The following CDH12 variants were observed in gnomAD, a reference collection of about 807,000 sequenced individuals.
CDH12 encodes the protein cadherin-12.
Under a neutral mutation model 74.1 loss-of-function variants are expected in CDH12, and 41 were observed. That is an observed-to-expected ratio of 0.55 (90% CI 0.43 to 0.72). The LOEUF (loss-of-function observed/expected upper bound fraction) is 0.72. Ranked by LOEUF, CDH12 falls within the 30% of genes least tolerant of loss-of-function variation. The pLI is 0.00. For synonymous variants in CDH12, 399 were observed against 355.0 expected (o/e 1.12, Z -1.39); for missense variants, 945 against 977.2 (o/e 0.97, Z 0.44).
At chr5:22,825,079 C>A (rs190304774) in intron 1 of CDH12, among the ~76,000 whole-genome samples, 1 of 151,956 alleles carries the variant, frequency 6.6e-6, no homozygotes, top group Non-Finnish European at 1.5e-5. Flanking sequence ...TCTACAATCA[C>A]GCATTCATTT....
At chr5:22,124,691 A>T (rs1745740441) in intron 4 of CDH12, among the ~76,000 whole-genome samples, 1 of 151,850 alleles carries the variant, frequency 6.6e-6, no homozygotes, top group Non-Finnish European at 1.5e-5. Flanking sequence ...TGGATCCCAT[A>T]CTCTATTAAT....
intron 1 of CDH12, among the ~76,000 whole-genome samples, chr5:22,783,460 C>A (rs1747480348): frequency 6.6e-6 from 1 of 152,000 alleles, no homozygotes; most frequent in Non-Finnish European, 1.5e-5. Context: ...AATCAGATAA[C>A]TTACTGAAAA....
intron 1 of CDH12, among the ~76,000 whole-genome samples, chr5:22,557,221 G>C (rs530819917): frequency 5.3e-5 from 8 of 152,002 alleles, no homozygotes; most frequent in African/African-American, 1.9e-4. Context: ...ATATTCTAAG[G>C]GAAAAGGGCT....
chr5:22,233,206 T>A (rs1422057195), intron 3 of CDH12, among the ~76,000 whole-genome samples: 1 of 151,910 alleles, frequency 6.6e-6, no homozygotes, highest in Admixed American at 6.6e-5. Flanking sequence ...ATAATCAGAA[T>A]TGCGTTGATC....
chr5:22,016,500 A>G (rs1293498498), intron 5 of CDH12, among the ~76,000 whole-genome samples: 1 of 151,898 alleles, frequency 6.6e-6, no homozygotes, highest in Non-Finnish European at 1.5e-5. Context: ...GGTTCAAGTG[A>G]TTCTCCTGCC....
At chr5:22,821,027 T>A (rs1749671691) in intron 1 of CDH12, among the ~76,000 whole-genome samples, 1 of 152,102 alleles carries the variant, frequency 6.6e-6, no homozygotes, top group Admixed American at 6.6e-5. Flanking sequence ...ATCAAAAAGC[T>A]TATCCACCAT....
chr5:22,076,155 T>C (rs142820928), intron 5 of CDH12, among the ~76,000 whole-genome samples: 2 of 152,140 alleles, frequency 1.3e-5, no homozygotes, highest in African/African-American at 4.8e-5. Flanking sequence ...TGGAGCCCTG[T>C]ACCAGCGGAA....
At chr5:22,078,116 G>A (rs1472885493) in intron 5 of CDH12, among the ~76,000 whole-genome samples, 1 of 152,002 alleles carries the variant, frequency 6.6e-6, no homozygotes, top group African/African-American at 2.4e-5. Context: ...TAACTATACT[G>A]ATACTATACT....
At chr5:22,114,545 G>A (rs1249816712) in intron 4 of CDH12, among the ~76,000 whole-genome samples, 5 of 152,222 alleles carry the variant, frequency 3.3e-5, no homozygotes, top group African/African-American at 1.2e-4. Context: ...ATTCTCAATT[G>A]TTTATTGAGA....
chr5:22,461,797 T>A (rs561011682), intron 2 of CDH12, among the ~76,000 whole-genome samples: 1 of 151,884 alleles, frequency 6.6e-6, no homozygotes, highest in East Asian at 1.9e-4. Context: ...TTTTCATGTT[T>A]TTTTTTCATT....
At chr5:22,342,934 C>T (rs533990806) in intron 3 of CDH12, among the ~76,000 whole-genome samples, 42 of 151,906 alleles carry the variant, frequency 2.8e-4, no homozygotes, top group African/African-American at 4.6e-4. Flanking sequence ...TTGCAACCTC[C>T]GCCTCTCAGG....
chr5:22,087,432 G>T lies in CDH12; in HGVS notation c.-186-8570C>A, dbSNP rs1185941428. 2.0e-5 allele frequency among the ~76,000 whole-genome samples: 3 copies of T among 152,212 alleles called. No homozygotes were observed. The East Asian group carries it at 5.8e-4, about 30-fold the overall frequency. On this transcript the variant is annotated intron_variant, in intron 4 of 14. Coordinates refer to ENST00000382254, the MANE Select transcript of CDH12 (RefSeq NM_004061.5). ...AGGCAAGCAGATCACTTGAGGCCAGGAGTTCGAGACCAGCCTGGCCAACAT... is the reference window on the plus strand; with the variant it reads ...AGGCAAGCAGATCACTTGAGGCCAGTAGTTCGAGACCAGCCTGGCCAACAT...
chr5:21,994,964 A>G (rs1736191211), intron 5 of CDH12, among the ~76,000 whole-genome samples: 1 of 152,116 alleles, frequency 6.6e-6, no homozygotes, highest in Non-Finnish European at 1.5e-5. Flanking sequence ...ACACTGTGGA[A>G]GCTTTGTTCT....
At chr5:22,155,641 A>T (rs537824592) in intron 4 of CDH12, among the ~76,000 whole-genome samples, 50 of 152,262 alleles carry the variant, frequency 3.3e-4, no homozygotes, top group African/African-American at 1.2e-3. Flanking sequence ...TATGTTTTAA[A>T]GTACTTAAAA....
intron 3 of CDH12, among the ~76,000 whole-genome samples, chr5:22,361,431 G>C (rs1004908926): frequency 6.6e-6 from 1 of 151,182 alleles, no homozygotes; most frequent in Non-Finnish European, 1.5e-5. Flanking sequence ...AATAAAAGAG[G>C]ACACAAACAA....
At chr5:22,525,764 G>A (rs982294732) in intron 1 of CDH12, among the ~76,000 whole-genome samples, 1 of 152,092 alleles carries the variant, frequency 6.6e-6, no homozygotes, top group Admixed American at 6.6e-5. Flanking sequence ...AGAAAAAATT[G>A]CATGTCATGT....
At chr5:22,431,948 CA>C (rs1382964634) in intron 2 of CDH12, among the ~76,000 whole-genome samples, 2 of 151,868 alleles carry the variant, frequency 1.3e-5, no homozygotes, top group Non-Finnish European at 1.5e-5. Flanking sequence ...TGTTTAAGAA[CA>C]AAAATATAAC....
intron 1 of CDH12, among the ~76,000 whole-genome samples, chr5:22,549,129 TTTTTTTTG>T (rs1738455291): frequency 9.2e-6 from 1 of 108,328 alleles, no homozygotes; most frequent in African/African-American, 3.2e-5. Flanking sequence ...TTTATTTGTT[TTTTTTTTG>T]TTTTTTTTGT....
chr5:21,975,481 G>T, intron 5 of CDH12, 96 bp from the exon 6 acceptor site: 2 of 792,002 alleles, frequency 2.5e-6, no homozygotes, highest in Non-Finnish European at 3.9e-6. Context: ...GTCATAATTT[G>T]CAATACAATT....
Sources: gnomAD v4.1 joint callset for allele counts (sites outside exome capture counted in the v4.1 genomes callset) on GRCh38, gnomAD v4.1.1 for gene constraint, MANE v1.5 for transcripts, NCBI Gene and HGNC (gene_info 2026-07-23, HGNC 2026-07-21) for gene names.